The following RBKS variants were observed in gnomAD, a reference collection of about 807,000 sequenced individuals.
RBKS encodes ribokinase.
RBKS carries 33 observed loss-of-function variants against 33.9 expected under a neutral mutation model. The ratio of observed to expected loss-of-function variants is 0.97; its 90% confidence interval spans 0.74 to 1.30. The LOEUF is 1.30. RBKS is among the 50% of genes most tolerant of loss of function. The pLI is 0.00. For missense variants in RBKS, 361 were observed against 392.6 expected (o/e 0.92, Z 0.68); for synonymous variants, 125 against 143.0 (o/e 0.87, Z 0.90).
At chr2:27,843,906 G>T (rs551774339) in intron 4 of RBKS, among the ~76,000 whole-genome samples, 1 of 152,164 alleles carries the variant, frequency 6.6e-6, no homozygotes, top group Non-Finnish European at 1.5e-5. Context: ...CTTAAGAGCT[G>T]TGCTGTCCAA....
rs1473143542 is a variant in RBKS at position 27,864,390 on chromosome 2, T to C, written c.90-5819A>G. The stretch of plus-strand genomic sequence containing the variant: ...TGCAGCTACTCTGGAATTTGTAGAG[T>C]GGACAAACAACACTCTAGCCAGAAG... On this transcript the variant is annotated intron_variant, in intron 1 of 7. Coordinates refer to ENST00000302188, the MANE Select transcript of RBKS (RefSeq NM_022128.3). 2.6e-5 allele frequency among the ~76,000 whole-genome samples: 4 copies of C among 152,100 alleles called. No individual in the cohort carries two copies. The East Asian group carries it at 7.7e-4, about 29-fold the overall frequency.
chr2:27,834,799 G>T (rs1484228941), intron 5 of RBKS, among the ~76,000 whole-genome samples: 1 of 152,168 alleles, frequency 6.6e-6, no homozygotes. Context: ...GAACAACATG[G>T]TAGAGCCATT....
At chr2:27,784,594 G>A (rs1677364212) in intron 7 of RBKS, among the ~76,000 whole-genome samples, 1 of 152,150 alleles carries the variant, frequency 6.6e-6, no homozygotes, top group Non-Finnish European at 1.5e-5. Flanking sequence ...TATAGAATGA[G>A]CCAGATTTAT....
chr2:27,864,405 C>T (rs1664046718), intron 1 of RBKS, among the ~76,000 whole-genome samples: 1 of 152,202 alleles, frequency 6.6e-6, no homozygotes, highest in Admixed American at 6.5e-5. Context: ...AAACAACACT[C>T]TAGCCAGAAG....
intron 2 of RBKS, among the ~76,000 whole-genome samples, chr2:27,849,380 T>C (rs964507593): frequency 6.6e-6 from 1 of 151,240 alleles, no homozygotes; most frequent in South Asian, 2.1e-4. Flanking sequence ...CTGGTCAACA[T>C]GGTAAAACCC....
At chr2:27,818,327 G>C (rs1678137251) in intron 7 of RBKS, among the ~76,000 whole-genome samples, 1 of 152,192 alleles carries the variant, frequency 6.6e-6, no homozygotes, top group Non-Finnish European at 1.5e-5. Flanking sequence ...CGCTTCTGAA[G>C]ATCTATAGAC....
chr2:27,878,739 G>C lies in RBKS; in HGVS notation c.89+11518C>G, dbSNP rs1217653277. 2.0e-5 allele frequency among the ~76,000 whole-genome samples: 3 copies of C among 152,128 alleles called. No homozygotes were observed. The East Asian group carries it at 5.8e-4, about 29-fold the overall frequency. ...ATTGCCATTCTAACTGGTGTGAGAT[G>C]GTATCTCATTATGGTTTTGATTTGC... is the stretch of plus-strand genomic sequence containing the variant. On this transcript the variant is annotated intron_variant, in intron 1 of 7. Coordinates refer to ENST00000302188, the MANE Select transcript of RBKS (RefSeq NM_022128.3).
At chr2:27,870,664 A>G (rs773062360) in intron 1 of RBKS, 6 of 390,508 alleles carry the variant, frequency 1.5e-5, no homozygotes, top group East Asian at 1.5e-4. Flanking sequence ...GCATTTCTCT[A>G]TGGATGACAT....
At chr2:27,812,624 G>A (rs768365770) in intron 7 of RBKS, among the ~76,000 whole-genome samples, 6 of 152,050 alleles carry the variant, frequency 3.9e-5, no homozygotes, top group Non-Finnish European at 7.3e-5. Context: ...ACCAAACACC[G>A]CATGTTCTCA....
At chr2:27,874,804 G>A (rs1664280479) in intron 1 of RBKS, among the ~76,000 whole-genome samples, 1 of 152,190 alleles carries the variant, frequency 6.6e-6, no homozygotes, top group African/African-American at 2.4e-5. Flanking sequence ...CCTCCCTGGA[G>A]AGGCTGGTTT....
intron 7 of RBKS, among the ~76,000 whole-genome samples, chr2:27,800,399 G>A (rs779510392): frequency 5.3e-5 from 8 of 152,130 alleles, no homozygotes; most frequent in South Asian, 2.1e-4. Context: ...CTTACTAGCT[G>A]TGTGACCTCT....
intron 7 of RBKS, among the ~76,000 whole-genome samples, chr2:27,815,104 C>G (rs746447508): frequency 1.3e-5 from 2 of 152,138 alleles, no homozygotes. Context: ...CCACACACCT[C>G]TTTTTCTATT....
At chr2:27,813,062 A>G (rs1482133333) in intron 7 of RBKS, among the ~76,000 whole-genome samples, 1 of 151,984 alleles carries the variant, frequency 6.6e-6, no homozygotes, top group African/African-American at 2.4e-5. Context: ...AGAAATTTAT[A>G]CTACCTGTGT....
At chr2:27,811,681 TTATTAC>T (rs1199625531) in intron 7 of RBKS, among the ~76,000 whole-genome samples, 1 of 152,214 alleles carries the variant, frequency 6.6e-6, no homozygotes, top group Non-Finnish European at 1.5e-5. Flanking sequence ...AACAGAAGCC[TTATTAC>T]TATTAATATA....
At chr2:27,833,224 CAATG>C (rs1223865794) in intron 5 of RBKS, among the ~76,000 whole-genome samples, 1 of 152,062 alleles carries the variant, frequency 6.6e-6, no homozygotes, top group African/African-American at 2.4e-5. Context: ...AGAAAATAAA[CAATG>C]AAAGGTTCAG....
intron 6 of RBKS, among the ~76,000 whole-genome samples, chr2:27,832,177 T>G (rs1021823319): frequency 2.0e-5 from 3 of 152,224 alleles, no homozygotes; most frequent in Non-Finnish European, 4.4e-5. Context: ...CACTACAGAA[T>G]GTAGCAGATC....
chr2:27,790,801 G>A (rs758873084), intron 7 of RBKS, among the ~76,000 whole-genome samples: 90 of 152,294 alleles, frequency 5.9e-4, no homozygotes, highest in Non-Finnish European at 8.8e-4. Flanking sequence ...GGAGATACGA[G>A]AAGTCTTATT....
At position 27,810,748 on chromosome 2, in the gene RBKS, A is replaced by G. The variant is rs1402579580; in HGVS notation, c.795+16819T>C. Among the ~76,000 whole-genome samples the G allele has an allele frequency of 6.6e-6, 1 of 152,070 alleles. No individual in the cohort carries two copies. The highest frequency in any genetic ancestry group is 1.9e-4 in the East Asian group (1 of 5,192). ...CCATGAGCTCTCAAACCCACTTCTC[A>G]GCATCCCCATTTCCACTTCCCTAGT... On this transcript the variant is annotated intron_variant, in intron 7 of 7. Transcript: ENST00000302188. This position sits in a 1 kb window ranked among gnomAD's most constrained non-coding sequence, Gnocchi z 4.4.
At chr2:27,801,992 ATTTTTTT>A (rs1179237576) in intron 7 of RBKS, among the ~76,000 whole-genome samples, 1 of 42,692 alleles carries the variant, frequency 2.3e-5, no homozygotes, top group Non-Finnish European at 3.7e-5. Context: ...ATATATATAT[ATTTTTTT>A]TTTTTTTTTT....
Sources: gnomAD v4.1 joint callset for allele counts (sites outside exome capture counted in the v4.1 genomes callset) on GRCh38, gnomAD v4.1.1 for gene constraint, Gnocchi (gnomAD v3.1) non-coding constraint, MANE v1.5 for transcripts, NCBI Gene and HGNC (gene_info 2026-07-23, HGNC 2026-07-21) for gene names.